DICER1: variants seen among roughly 807,000 people sequenced by gnomAD.
DICER1 encodes the protein endoribonuclease Dicer.
Under a neutral mutation model 194.1 loss-of-function variants are expected in DICER1, and 43 were observed. That is an observed-to-expected ratio of 0.22 (90% CI 0.17 to 0.29). The LOEUF (loss-of-function observed/expected upper bound fraction) is 0.29. Among genes scored for constraint, DICER1 ranks in the 10% least tolerant of loss-of-function variants. The pLI is 1.00. For synonymous variants in DICER1, 832 were observed against 820.5 expected (o/e 1.01, Z -0.24); for missense variants, 1,608 against 2,317.0 (o/e 0.69, Z 6.28).
intron 1 of DICER1, among the ~76,000 whole-genome samples, chr14:95,150,613 T>A (rs1242792731): frequency 2.6e-5 from 4 of 152,236 alleles, no homozygotes; most frequent in African/African-American, 9.6e-5. Flanking sequence ...CATTAGTGAT[T>A]GAAGCAAGGA....
At chr14:95,119,838 T>G (rs1307330329) in intron 8 of DICER1, among the ~76,000 whole-genome samples, 2 of 152,224 alleles carry the variant, frequency 1.3e-5, no homozygotes, top group Non-Finnish European at 2.9e-5. Context: ...TCAGCAGATA[T>G]AAAATTACTG....
intron 1 of DICER1, among the ~76,000 whole-genome samples, chr14:95,152,215 C>T (rs1049566334): frequency 2.6e-5 from 4 of 152,184 alleles, no homozygotes; most frequent in Admixed American, 6.5e-5. Context: ...CCAATTTTGA[C>T]GGCGATTTTC....
intron 24 of DICER1, among the ~76,000 whole-genome samples, chr14:95,091,690 C>T (rs945772457): frequency 6.6e-6 from 1 of 152,052 alleles, no homozygotes; most frequent in Admixed American, 6.5e-5. Flanking sequence ...GAAAAAAATT[C>T]AAATTCACTC....
chr14:95,124,931 TA>T lies in DICER1; in HGVS notation c.904-264del, dbSNP rs1212758765. Among the ~76,000 whole-genome samples, 1 of 152,252 alleles carries T rather than the reference TA, an allele frequency of 6.6e-6. No homozygotes were observed. Among genetic ancestry groups the T allele is most frequent in the Non-Finnish European group, 1.5e-5 (1 of 68,042 alleles). ...GCAATTGTATGAGGTTAATGAAGCT[TA>T]TTTTTAGATCTGTAATTAGTTAAAA... On this transcript the variant is annotated intron_variant, in intron 7 of 26. Coordinates refer to ENST00000343455, the MANE Select transcript of DICER1 (RefSeq NM_177438.3). The surrounding 1 kb of genome is among the most constrained non-coding windows in gnomAD (Gnocchi z 4.5).
intron 12 of DICER1, 96 bp downstream of exon 12, chr14:95,112,996 C>A: frequency 7.4e-7 from 1 of 1,354,872 alleles, no homozygotes; most frequent in South Asian, 1.2e-5. Context: ...ATTTTAAAAT[C>A]AAATTTACCT....
rs1060503639 is a variant in DICER1 at position 95,095,882 on chromosome 14, T to G, written c.5038A>C (p.Lys1680Gln). ...EKKINYRFKN[K>Q]AYLLQAFTHA... ...GTAAAAGCCTGGAGAAGGTAAGCCT[T>G]ATTCTTGAATCTGTAGTTGATTTTC... The change falls in exon 23 of 27, where the codon AAG becomes CAG. Residue 1680 changes from lysine (K) to glutamine (Q), a missense_variant. Physicochemically the swap from Lys to Gln is moderately conservative, Grantham distance 53. Transcript: ENST00000343455. 2 of 1,614,114 alleles carry G rather than the reference T, an allele frequency of 1.2e-6. No individual in the cohort carries two copies. The highest frequency in any genetic ancestry group is 2.7e-5 in the African/African-American group (2 of 74,938).
At chr14:95,139,740 A>G (rs1258609818) in intron 1 of DICER1, among the ~76,000 whole-genome samples, 1 of 152,226 alleles carries the variant, frequency 6.6e-6, no homozygotes, top group Non-Finnish European at 1.5e-5. Context: ...GGAAACACAC[A>G]TCTATCCCAC....
At chr14:95,122,374 G>A (rs768621995) in intron 8 of DICER1, among the ~76,000 whole-genome samples, 7 of 152,128 alleles carry the variant, frequency 4.6e-5, no homozygotes, top group Non-Finnish European at 1.0e-4. Context: ...AAATGGAGAC[G>A]GGGAGTATGT....
Position 95,130,103 on chromosome 14 carries a change from C to G in DICER1, c.528G>C (p.Glu176Asp). 6.2e-7 allele frequency: 1 copy of G among 1,613,478 alleles called. No individual in the cohort carries two copies. Among genetic ancestry groups the G allele is most frequent in the South Asian group, 1.1e-5 (1 of 91,064 alleles). The change falls in exon 5 of 27, where the codon GAG becomes GAC. Residue 176 changes from glutamate (E) to aspartate (D), a missense_variant. Coordinates refer to ENST00000343455, the MANE Select transcript of DICER1 (RefSeq NM_177438.3). ...LSDINLLVFD[E>D]CHLAILDHPY... ...GGTGGTCTAGGATTGCAAGATGACA[C>G]TCATCAAACACCAAAAGGTTAATGT...
Position 95,124,797 on chromosome 14 carries a change from C to A in DICER1, c.904-129G>T. 1.3e-6 allele frequency: 1 copy of A among 772,520 alleles called. No individual in the cohort carries two copies. 47.9% of individuals were successfully genotyped at this position (772,520 alleles called of 1,614,324 possible). On this transcript the variant is annotated intron_variant, in intron 7 of 26. Transcript: ENST00000343455. The surrounding 1 kb of genome is among the most constrained non-coding windows in gnomAD (Gnocchi z 4.5). ...AATGTAACCCAGCCTTAGGTTAAGT[C>A]CCTGAAGGTGGGGGGAGAGGCCATT...
chr14:95,117,968 A>C (rs1269664427), intron 8 of DICER1, among the ~76,000 whole-genome samples: 3 of 152,200 alleles, frequency 2.0e-5, no homozygotes, highest in African/African-American at 7.2e-5. Flanking sequence ...CGCCAAATAC[A>C]AGATTGGTTT....
chr14:95,156,539 G>A lies in DICER1; in HGVS notation c.-46+691C>T, dbSNP rs78294544. Among the ~76,000 whole-genome samples, 24 of 152,308 alleles carry A rather than the reference G, an allele frequency of 1.6e-4. No individual in the cohort carries two copies. The East Asian group carries it at 4.1e-3, about 26-fold the overall frequency. On this transcript the variant is annotated intron_variant, in intron 1 of 26. Transcript: ENST00000343455. ...CCATCAGGGCAACTCAGCTTTTCTG[G>A]ACAATCTACAGAAATCTGATGTGCT...
intron 26 of DICER1, 42 bp downstream of exon 26, chr14:95,090,992 G>GTT (rs1262637568): frequency 5.2e-6 from 8 of 1,545,876 alleles, no homozygotes; most frequent in Non-Finnish European, 6.2e-6. Context: ...CCCCTTTGAT[G>GTT]TTTTTAAGTT....
At chr14:95,117,474 A>C in intron 9 of DICER1, 148 bp downstream of exon 9, 22 of 806,192 alleles carry the variant, frequency 2.7e-5, no homozygotes, top group Non-Finnish European at 4.4e-5. Context: ...CCTCATGGGG[A>C]CAGCTGGTCT....
rs368588781 is a variant in DICER1, at chr14:95,103,900, C to T, written c.3496G>A (p.Val1166Ile). The T allele has an allele frequency of 3.7e-6, 6 of 1,614,040 alleles. No homozygotes were observed. The highest frequency in any genetic ancestry group is 2.2e-5 in the East Asian group (1 of 44,892). The change falls in exon 21 of 27, where the codon GTT becomes ATT. Residue 1166 changes from valine to isoleucine, a missense_variant. Physicochemically the swap from Val to Ile is conservative, Grantham distance 29. Transcript: ENST00000343455. ...LLSESPGKLH[V>I]EVSADLTAIN... The stretch of plus-strand genomic sequence containing the variant: ...GCTGTAAGATCTGCTGAAACTTCAA[C>T]GTGGAGCTTACCAGGGGACTCGCTG...
In DICER1 at chr14:95,115,729, C is replaced by T. The variant is rs1257194877; in HGVS notation, c.1845G>A (p.Val615=). ...MDDDDVFPPY[V]LRPDDGGPRV... ...GTGGACCACCATCGTCAGGCCTCAA[C>T]ACATATGGTGGGAAAACGTCATCAT... The change falls in exon 11 of 27, where the codon GTG becomes GTA. Residue 615 remains valine, a synonymous_variant. Transcript: ENST00000343455. The T allele has an allele frequency of 1.9e-6, 3 of 1,614,136 alleles. No individual in the cohort carries two copies. The highest frequency in any genetic ancestry group is 2.2e-5 in the South Asian group (2 of 91,088).
chr14:95,116,052 T>TACACAGAC (rs1268702317), intron 10 of DICER1, among the ~76,000 whole-genome samples: 3 of 143,094 alleles, frequency 2.1e-5, no homozygotes, highest in African/African-American at 5.5e-5. Context: ...GTACCGTGCC[T>TACACAGAC]ACACAGACAC....
rs1892136927 is a variant in DICER1, at chr14:95,113,190, G to T, written c.1942C>A (p.His648Asn). The T allele has an allele frequency of 1.9e-6, 3 of 1,613,666 alleles. No homozygotes were observed. The highest frequency in any genetic ancestry group is 2.5e-6 in the Non-Finnish European group (3 of 1,179,534). The change falls in exon 12 of 27, where the codon CAT becomes AAT. Residue 648 changes from histidine (H) to asparagine (N), a missense_variant. Around this residue, in one of 10 missense-constraint regions of DICER1, gnomAD observed 657 missense variants for 910.1 expected, o/e 0.72. Coordinates refer to ENST00000343455, the MANE Select transcript of DICER1 (RefSeq NM_177438.3). ...CARLPSDPFT[H>N]LAPKCRTREL... is the part of the protein sequence containing the mutation. ...CGGGTTCTGCATTTAGGAGCTAGAT[G>T]AGTAAACGGATCACTTGGTAATCTA...
At chr14:95,155,258 C>T (rs1895773666) in intron 1 of DICER1, among the ~76,000 whole-genome samples, 2 of 152,198 alleles carry the variant, frequency 1.3e-5, no homozygotes, top group South Asian at 4.1e-4. Context: ...TTTCCCTTAT[C>T]TCCTTTGCCA....
Sources: allele counts gnomAD v4.1 joint callset (sites outside exome capture counted in the v4.1 genomes callset), GRCh38; gene constraint gnomAD v4.1.1; regional missense constraint gnomAD v4.1.1; non-coding constraint Gnocchi (gnomAD v3.1); transcripts MANE v1.5; gene names NCBI Gene and HGNC (gene_info 2026-07-23, HGNC 2026-07-21).